Variants in CHD1 observed in about 807,000 individuals in gnomAD.
The protein encoded by CHD1 is ATP-dependent chromatin remodeler CHD1.
Under a neutral mutation model 224.2 loss-of-function variants are expected in CHD1, and 36 were observed. The observed-to-expected ratio is 0.16, with a 90% CI of 0.12 to 0.21. The LOEUF is 0.21. CHD1 is among the 10% of genes least tolerant of loss of function. The probability of loss-of-function intolerance (pLI) is 1.00; values close to 1 mark genes in which losing one functional copy is unlikely to be tolerated. For missense variants in CHD1, 1,378 were observed against 1,994.8 expected (o/e 0.69, Z 5.89); for synonymous variants, 668 against 658.3 (o/e 1.01, Z -0.23).
Position 98,855,247 on chromosome 5 carries a change from TA to T in CHD1, c.*1132del, listed in dbSNP as rs904528114. 3 of 152,614 alleles carry T rather than the reference TA, an allele frequency of 2.0e-5. No homozygotes were observed. Among genetic ancestry groups the T allele is most frequent in the African/African-American group, 7.2e-5 (3 of 41,448 alleles). The allele number at this position is 152,614 out of a possible 1,614,324, so 9.5% of individuals were successfully genotyped here. A position where few individuals can be genotyped will look rare whatever the true frequency, so the allele number is the denominator to read the frequency against. On this transcript the variant is annotated 3_prime_UTR_variant, in exon 36 of 36. Coordinates refer to ENST00000614616, the MANE Select transcript of CHD1 (RefSeq NM_001270.4). ...ATTTGTCATATATAACGTTTTTATA[TA>T]CAATCAGTGTGCATTGTAACAGTTT...
chr5:98,868,993 T>C (rs763564488), intron 30 of CHD1: 26 of 823,548 alleles, frequency 3.2e-5, no homozygotes, highest in Non-Finnish European at 3.5e-5. Context: ...CTTTCTACAT[T>C]TTTTATTATG....
rs113355624 is a variant in CHD1, at chr5:98,899,376, C to T, written c.1085+104G>A. ...GCCAACTGTATTATAAAGTCTATAG[C>T]TATTTTAGGCTATCATTTAATGTTA... On this transcript the variant is annotated intron_variant, in intron 8 of 35. Transcript: ENST00000614616. 1.1e-3 allele frequency: 818 copies of T among 734,664 alleles called. 4 individuals are homozygous for T. In the African/African-American group the frequency reaches 0.013, roughly 12 times the overall value. The allele number at this position is 734,664 out of a possible 1,614,324, so 45.5% of individuals were successfully genotyped here.
Position 98,889,200 on chromosome 5 carries a change from C to A in CHD1, c.2219G>T (p.Gly740Val), listed in dbSNP as rs1561514398. 1.2e-6 allele frequency: 2 copies of A among 1,606,132 alleles called. No individual in the cohort carries two copies. The highest frequency in any genetic ancestry group is 1.7e-6 in the Non-Finnish European group (2 of 1,176,318). ...AAAGCCTGAGGTACTGCCCTTGGAACCTTTGCTGAGGGCTTTGTAATTCCT... is the reference window on the plus strand; with the variant it reads ...AAAGCCTGAGGTACTGCCCTTGGAAACTTTGCTGAGGGCTTTGTAATTCCT... The part of the protein sequence containing the change: ...LTRNYKALSK[G>V]SKGSTSGFLN... Residue 740 changes from glycine to valine, a missense_variant, in exon 16 of 36, where the codon GGT becomes GTT. Coordinates refer to ENST00000614616, the MANE Select transcript of CHD1 (RefSeq NM_001270.4).
At chr5:98,885,189 C>G (rs1305704760) in intron 18 of CHD1, among the ~76,000 whole-genome samples, 1 of 152,054 alleles carries the variant, frequency 6.6e-6, no homozygotes, top group African/African-American at 2.4e-5. Flanking sequence ...GTCAGGAGTT[C>G]AAGACCGGCC....
In CHD1 at chr5:98,885,679, A is replaced by AT. The variant is rs376685098; in HGVS notation, c.2497-31_2497-30insA. 0.27 allele frequency: 330,232 copies of AT among 1,208,238 alleles called. 50,623 individuals are homozygous for AT. The highest frequency in any genetic ancestry group is 0.56 in the African/African-American group (36,450 of 65,126). 74.8% of individuals were successfully genotyped at this position (1,208,238 alleles called of 1,614,324 possible). ...AAAAAAACACATTAAAATACTGCAT[A>AT]AACAGAATCAAAGTATTACAAAGCA... On this transcript the variant is annotated intron_variant, in intron 17 of 35. Transcript: ENST00000614616.
Position 98,893,617 on chromosome 5 carries a change from T to A in CHD1, c.1801-11A>T. On this transcript the variant is annotated splice_polypyrimidine_tract_variant and intron_variant, in intron 13 of 35. Coordinates refer to ENST00000614616, the MANE Select transcript of CHD1 (RefSeq NM_001270.4). ...ACCTCCAAGGAATGCCTTAAAATAA[T>A]AGAAAAACAGTATTTTGAGAGAAAA... 6.6e-7 allele frequency: 1 copy of A among 1,519,124 alleles called. No homozygotes were observed. 94.1% of individuals were successfully genotyped at this position (1,519,124 alleles called of 1,614,324 possible).
intron 2 of CHD1, among the ~76,000 whole-genome samples, chr5:98,906,061 T>G (rs145371063): frequency 6.9e-4 from 105 of 152,238 alleles, no homozygotes; most frequent in African/African-American, 2.5e-3. Context: ...TGCCACCAGA[T>G]GGAGGTATTA....
At chr5:98,916,341 T>C (rs1271167628) in intron 2 of CHD1, among the ~76,000 whole-genome samples, 2 of 151,246 alleles carry the variant, frequency 1.3e-5, no homozygotes, top group African/African-American at 2.4e-5. Context: ...AGTTCAGGAG[T>C]TCGAGACCAG....
intron 18 of CHD1, among the ~76,000 whole-genome samples, chr5:98,884,509 G>GA (rs35935067): frequency 0.057 from 8,665 of 152,094 alleles, 826 homozygotes; most frequent in African/African-American, 0.2. Context: ...GACTCAGAGG[G>GA]AAAGGGTAGG....
chr5:98,912,970 TTGGGGG>T (rs771419518), intron 2 of CHD1, among the ~76,000 whole-genome samples: 10 of 152,300 alleles, frequency 6.6e-5, no homozygotes, highest in Admixed American at 2.0e-4. Context: ...TAGATTCCAG[TTGGGGG>T]TGCTGGGGAA....
At chr5:98,911,553 G>C (rs1436997118) in intron 2 of CHD1, among the ~76,000 whole-genome samples, 1 of 152,112 alleles carries the variant, frequency 6.6e-6, no homozygotes, top group East Asian at 1.9e-4. Flanking sequence ...TGTAACAGAT[G>C]AATTAGAAAT....
Position 98,875,008 on chromosome 5 carries a change from A to G in CHD1, c.3440+64T>C, listed in dbSNP as rs537142249. 2.5e-4 allele frequency: 208 copies of G among 845,890 alleles called. 1 individual carries two copies. The South Asian group carries it at 3.2e-3, about 13-fold the overall frequency. 52.4% of individuals were successfully genotyped at this position (845,890 alleles called of 1,614,324 possible). On this transcript the variant is annotated intron_variant, in intron 25 of 35. Transcript: ENST00000614616. The stretch of plus-strand genomic sequence containing the variant: ...AGTAGCTAAACTGAATGTTAATACA[A>G]ATAAATAAAGGTGACAGCATGTAAC...
chr5:98,911,176 T>TATATATATATATATAGAG (rs1561540185), intron 2 of CHD1, among the ~76,000 whole-genome samples: 1 of 122,970 alleles, frequency 8.1e-6, no homozygotes, highest in Non-Finnish European at 1.7e-5. Context: ...TATATATATA[T>TATATATATATATATAGAG]AGAGGCATGT....
At chr5:98,896,868 T>G (rs1351144578) in intron 11 of CHD1, among the ~76,000 whole-genome samples, 1 of 137,606 alleles carries the variant, frequency 7.3e-6, no homozygotes, top group African/African-American at 2.7e-5. Context: ...AGAAAAAAAA[T>G]GTAGAAGAGT....
At chr5:98,899,823 G>A in intron 7 of CHD1, 118 bp from the exon 8 acceptor site, 1 of 659,136 alleles carries the variant, frequency 1.5e-6, no homozygotes, top group South Asian at 2.1e-5. Flanking sequence ...TAAAGTATTG[G>A]GGGTATAGAA....
chr5:98,881,549 A>T (rs929874258), intron 20 of CHD1, among the ~76,000 whole-genome samples, 174 bp from the exon 21 acceptor site: 2 of 150,196 alleles, frequency 1.3e-5, no homozygotes, highest in African/African-American at 4.9e-5. Flanking sequence ...TCCTTCTGTC[A>T]CCCAGGCTGA....
chr5:98,888,104 C>T lies in CHD1; in HGVS notation c.2480G>A (p.Arg827His), dbSNP rs763854534. The T allele has an allele frequency of 6.3e-6, 10 of 1,589,738 alleles. No individual in the cohort carries two copies. Among genetic ancestry groups the T allele is most frequent in the Admixed American group, 1.7e-5 (1 of 57,672 alleles). ...AATGCTTACTTGAAAGGGGAATTGA[C>T]GATATTTCAAATATTCTGCAAGTAT... is the stretch of plus-strand genomic sequence containing the variant. ...LDILAEYLKYRQFPFQRLDGS... is the reference protein window; with the variant it reads ...LDILAEYLKYHQFPFQRLDGS... The change falls in exon 17 of 36, where the codon CGT (arginine) becomes CAT (histidine). Residue 827 changes from arginine (R) to histidine (H), a missense_variant. Physicochemically the swap from Arg to His is conservative, Grantham distance 29. Around this residue, in one of 16 missense-constraint regions of CHD1, gnomAD observed 57 missense variants for 177.2 expected, o/e 0.32. Transcript: ENST00000614616.
At chr5:98,912,450 C>A (rs963606209) in intron 2 of CHD1, among the ~76,000 whole-genome samples, 1 of 152,104 alleles carries the variant, frequency 6.6e-6, no homozygotes, top group East Asian at 1.9e-4. Flanking sequence ...GCAGGTGGAT[C>A]ATTTGAGGCC....
intron 2 of CHD1, among the ~76,000 whole-genome samples, chr5:98,912,607 GT>G (rs1752494280): frequency 6.6e-6 from 1 of 152,064 alleles, no homozygotes; most frequent in Non-Finnish European, 1.5e-5. Context: ...GGAGGCAGAG[GT>G]TGCAGTGAGC....
Sources: gnomAD v4.1 joint callset for allele counts (sites outside exome capture counted in the v4.1 genomes callset) on GRCh38, gnomAD v4.1.1 for gene constraint, gnomAD v4.1.1 regional missense constraint, MANE v1.5 for transcripts, NCBI Gene and HGNC (gene_info 2026-07-23, HGNC 2026-07-21) for gene names.